Variants in UXS1 observed in about 807,000 individuals in gnomAD.
UXS1 encodes the protein UDP-glucuronic acid decarboxylase 1.
Under a neutral mutation model 62.6 loss-of-function variants are expected in UXS1, and 33 were observed. The ratio of observed to expected loss-of-function variants is 0.53; its 90% CI spans 0.40 to 0.70. The LOEUF is 0.70. Ranked by LOEUF, UXS1 falls within the 30% of genes least tolerant of loss-of-function variation. The pLI, the probability that UXS1 is intolerant of heterozygous loss-of-function variation, is 0.00. For missense variants in UXS1, 434 were observed against 556.3 expected (o/e 0.78, Z 2.21); for synonymous variants, 213 against 206.8 (o/e 1.03, Z -0.26).
At chr2:106,109,953 T>C (rs982646313) in intron 10 of UXS1, among the ~76,000 whole-genome samples, 1 of 152,222 alleles carries the variant, frequency 6.6e-6, no homozygotes, top group Non-Finnish European at 1.5e-5. Flanking sequence ...CACACCTCCT[T>C]ATTTCCCTTC....
chr2:106,194,082 C>A, intron 1 of UXS1, 66 bp downstream of exon 1: 1 of 1,339,874 alleles, frequency 7.5e-7, no homozygotes, highest in Non-Finnish European at 9.7e-7. Flanking sequence ...GAACCACCGC[C>A]GCCCGGCCCA....
intron 1 of UXS1, among the ~76,000 whole-genome samples, chr2:106,172,958 G>A (rs185854495): frequency 3.3e-5 from 5 of 152,172 alleles, no homozygotes; most frequent in African/African-American, 7.2e-5. Context: ...CAGCTCAAAA[G>A]TTACCTTATA....
chr2:106,111,526 C>T (rs1172468181), intron 10 of UXS1, among the ~76,000 whole-genome samples: 2 of 152,202 alleles, frequency 1.3e-5, no homozygotes, highest in East Asian at 3.9e-4. Flanking sequence ...AGGAGACACA[C>T]ACCACGGAGA....
intron 9 of UXS1, among the ~76,000 whole-genome samples, chr2:106,113,703 C>T (rs779466250): frequency 3.3e-5 from 5 of 152,334 alleles, no homozygotes; most frequent in Admixed American, 6.5e-5. Flanking sequence ...GCAGAACAAA[C>T]GTGCACTTTC....
At chr2:106,193,555 C>G (rs1685068759) in intron 1 of UXS1, among the ~76,000 whole-genome samples, 1 of 152,038 alleles carries the variant, frequency 6.6e-6, no homozygotes, top group South Asian at 2.1e-4. Flanking sequence ...GCCCGGCCGC[C>G]GAGCCCCGGG....
At chr2:106,187,508 T>C (rs1037932939) in intron 1 of UXS1, among the ~76,000 whole-genome samples, 3 of 152,196 alleles carry the variant, frequency 2.0e-5, no homozygotes. Flanking sequence ...GGCAAAACTG[T>C]ACCGTAACCA....
chr2:106,127,312 C>T (rs1020164375), intron 7 of UXS1, among the ~76,000 whole-genome samples: 1 of 152,130 alleles, frequency 6.6e-6, no homozygotes, highest in African/African-American at 2.4e-5. Context: ...TTTAAGAAAG[C>T]GTCAAACTGT....
At chr2:106,167,628 T>C (rs1244586138) in intron 1 of UXS1, among the ~76,000 whole-genome samples, 4 of 151,960 alleles carry the variant, frequency 2.6e-5, no homozygotes, top group South Asian at 4.1e-4. Flanking sequence ...GACAGCAATA[T>C]ATGACCAAAT....
Position 106,164,790 on chromosome 2 carries a change from G to A in UXS1, c.132C>T (p.Leu44=), listed in dbSNP as rs1199498235. Residue 44 remains leucine, a synonymous_variant, in exon 3 of 15, where the codon CTC becomes CTT. Transcript: ENST00000283148. Reference sequence around the variant, plus strand: ...CACCATTTTCCTGGATAGACCTGTTGAGTAGAAAGCTATAAAACTGAGATC... The same window carrying A: ...CACCATTTTCCTGGATAGACCTGTTAAGTAGAAAGCTATAAAACTGAGATC... ...WGNFVNMSFL[L]NRSIQENGEL... 4 of 1,588,376 alleles carry A rather than the reference G, an allele frequency of 2.5e-6. No homozygotes were observed. The highest frequency in any genetic ancestry group is 3.4e-6 in the Non-Finnish European group (4 of 1,167,188).
At chr2:106,119,036 C>A (rs1316819573) in intron 9 of UXS1, among the ~76,000 whole-genome samples, 10 of 152,302 alleles carry the variant, frequency 6.6e-5, no homozygotes, top group African/African-American at 2.2e-4. Flanking sequence ...TCCTAACACA[C>A]AAAGTTTTAA....
chr2:106,110,718 T>TG (rs752309473), intron 10 of UXS1, among the ~76,000 whole-genome samples: 2 of 152,198 alleles, frequency 1.3e-5, no homozygotes, highest in African/African-American at 4.8e-5. Context: ...CCCACGTACC[T>TG]GGTGGTCTTC....
intron 5 of UXS1, among the ~76,000 whole-genome samples, chr2:106,148,650 T>C (rs1329203329): frequency 1.3e-5 from 2 of 152,210 alleles, no homozygotes; most frequent in East Asian, 3.8e-4. Flanking sequence ...CCTAAAATAC[T>C]TAAGATTTAT....
At chr2:106,193,893 C>T (rs899080261) in intron 1 of UXS1, among the ~76,000 whole-genome samples, 4 of 152,042 alleles carry the variant, frequency 2.6e-5, no homozygotes, top group African/African-American at 9.7e-5. Flanking sequence ...AGACCTGGGG[C>T]CGCCCGAGGA....
chr2:106,098,219 C>G (rs1677286064), intron 13 of UXS1, among the ~76,000 whole-genome samples: 1 of 152,238 alleles, frequency 6.6e-6, no homozygotes, highest in African/African-American at 2.4e-5. Context: ...CAGGGCTGGT[C>G]TGGAAGACCT....
chr2:106,108,483 C>T (rs896613360), intron 10 of UXS1, among the ~76,000 whole-genome samples: 2 of 152,128 alleles, frequency 1.3e-5, no homozygotes, highest in African/African-American at 4.8e-5. Context: ...CAGCAAAATC[C>T]AGGGCATGAG....
At chr2:106,123,665 C>A (rs998521812) in intron 8 of UXS1, among the ~76,000 whole-genome samples, 1 of 152,166 alleles carries the variant, frequency 6.6e-6, no homozygotes. Flanking sequence ...ATTCCTGTTT[C>A]TCTAGCGTAT....
At chr2:106,173,256 T>A (rs920593642) in intron 1 of UXS1, among the ~76,000 whole-genome samples, 1 of 152,194 alleles carries the variant, frequency 6.6e-6, no homozygotes, top group Non-Finnish European at 1.5e-5. Flanking sequence ...ATTGCTACTC[T>A]AGGGCAGAAG....
At chr2:106,139,579 G>A (rs1002748473) in intron 6 of UXS1, among the ~76,000 whole-genome samples, 43 of 152,226 alleles carry the variant, frequency 2.8e-4, no homozygotes, top group Non-Finnish European at 1.0e-4. Context: ...GGGATAACCT[G>A]AAACCACTGT....
chr2:106,178,352 G>A (rs986587733), intron 1 of UXS1, among the ~76,000 whole-genome samples: 1 of 152,142 alleles, frequency 6.6e-6, no homozygotes, highest in Non-Finnish European at 1.5e-5. Flanking sequence ...TGTTGAGCAT[G>A]CACCCCACAT....
Sources: allele counts gnomAD v4.1 joint callset (sites outside exome capture counted in the v4.1 genomes callset), GRCh38; gene constraint gnomAD v4.1.1; transcripts MANE v1.5; gene names NCBI Gene and HGNC (gene_info 2026-07-23, HGNC 2026-07-21).